The following STAG2 variants were observed in gnomAD, a reference collection of about 807,000 sequenced individuals.
The protein encoded by STAG2 is cohesin subunit SA-2.
Under a neutral mutation model 108.1 loss-of-function variants are expected in STAG2, and 14 were observed. The ratio of observed to expected loss-of-function variants is 0.13; its 90% CI spans 0.09 to 0.20. The LOEUF is 0.20. Ranked by LOEUF, STAG2 falls within the 10% of genes least tolerant of loss-of-function variation. STAG2 has a pLI of 1.00. For missense variants in STAG2, 440 were observed against 940.9 expected (o/e 0.47, Z 6.96); for synonymous variants, 307 against 302.7 (o/e 1.01, Z -0.15).
intron 6 of STAG2, among the ~76,000 whole-genome samples, 177 bp downstream of exon 6, chrX:124,037,800 T>C (rs1330470048): frequency 8.9e-6 from 1 of 112,714 alleles, no homozygotes; most frequent in Non-Finnish European, 1.9e-5. Context: ...GAAAGTCTAT[T>C]GACAAAGTTT....
intron 1 of STAG2, among the ~76,000 whole-genome samples, chrX:123,976,228 C>T (rs936744236): frequency 9.9e-5 from 11 of 111,484 alleles, no homozygotes; most frequent in African/African-American, 3.6e-4. Flanking sequence ...GAGCCAAGGT[C>T]GTGCCACTGC....
chrX:123,998,091 T>C (rs756091950), intron 1 of STAG2, among the ~76,000 whole-genome samples: 3 of 111,321 alleles, frequency 2.7e-5, no homozygotes, highest in Non-Finnish European at 3.8e-5. Flanking sequence ...AAATGTCTTT[T>C]TGAGTGCTTG....
chrX:123,973,640 T>C (rs745798462), intron 1 of STAG2, among the ~76,000 whole-genome samples: 1 of 108,375 alleles, frequency 9.2e-6, no homozygotes, highest in Admixed American at 9.9e-5. Context: ...AGGTCAGGAA[T>C]TCAAGACTAG....
intron 1 of STAG2, among the ~76,000 whole-genome samples, chrX:123,965,868 G>A (rs745357546): frequency 9.1e-6 from 1 of 109,507 alleles, no homozygotes; most frequent in South Asian, 4.0e-4. Flanking sequence ...GTGTGGTGGT[G>A]CACACCTGTG....
At chrX:124,096,701 A>G (rs907027731) in intron 34 of STAG2, among the ~76,000 whole-genome samples, 9 of 111,412 alleles carry the variant, frequency 8.1e-5, no homozygotes, top group African/African-American at 2.6e-4. Flanking sequence ...TTTAGAATCT[A>G]CCCATTTTAT....
At chrX:124,074,672 A>G (rs887221096) in intron 25 of STAG2, among the ~76,000 whole-genome samples, 2 of 111,831 alleles carry the variant, frequency 1.8e-5, no homozygotes, top group African/African-American at 6.5e-5. Context: ...TCCTAGAGGC[A>G]TTTCATTGAC....
In STAG2 at chrX:124,045,256, A is replaced by G. The variant is rs1345943549; in HGVS notation, c.555A>G (p.Gln185=). 4 of 1,208,041 alleles carry G rather than the reference A, an allele frequency of 3.3e-6. No homozygotes were observed. Among genetic ancestry groups the G allele is most frequent in the Non-Finnish European group, 3.4e-6 (3 of 893,979 alleles). Residue 185 remains glutamine, a synonymous_variant, in exon 8 of 35, where the codon CAA becomes CAG. Coordinates refer to ENST00000371145, the MANE Select transcript of STAG2 (RefSeq NM_001042750.2). ...FCEFIGVLVR[Q]CQYSIIYDEY... Reference sequence around the variant, plus strand: ...AATTCATTGGCGTGTTAGTACGGCAATGTCAATATAGTATCATATATGATG... The same window carrying G: ...AATTCATTGGCGTGTTAGTACGGCAGTGTCAATATAGTATCATATATGATG...
intron 1 of STAG2, among the ~76,000 whole-genome samples, chrX:124,006,748 T>C (rs1165348789): frequency 9.0e-6 from 1 of 111,384 alleles, no homozygotes; most frequent in Non-Finnish European, 1.9e-5. Context: ...CTGTCACTAT[T>C]TTTTTATTTT....
At chrX:124,072,060 C>G (rs912310706) in intron 25 of STAG2, among the ~76,000 whole-genome samples, 1 of 111,207 alleles carries the variant, frequency 9.0e-6, no homozygotes, top group African/African-American at 3.3e-5. Flanking sequence ...GTTGCCCAGC[C>G]TGGAGTACAG....
At chrX:124,061,743 C>CTTTTTG in intron 16 of STAG2, 28 bp from the exon 17 acceptor site, 1 of 478,286 alleles carries the variant, frequency 2.1e-6, no homozygotes, top group Admixed American at 5.2e-5. Flanking sequence ...CTCTTTCTGA[C>CTTTTTG]TTTTTTTTTT....
intron 1 of STAG2, among the ~76,000 whole-genome samples, chrX:123,971,744 C>T (rs1461531772): frequency 1.8e-5 from 2 of 111,692 alleles, no homozygotes; most frequent in East Asian, 5.6e-4. Context: ...ATGTATTATT[C>T]AGGTTCCCTT....
At chrX:124,077,817 A>G (rs1458065978) in intron 26 of STAG2, 140 bp from the exon 27 acceptor site, 1 of 380,785 alleles carries the variant, frequency 2.6e-6, no homozygotes, top group Non-Finnish European at 4.6e-6. Flanking sequence ...AGGTTTCAGT[A>G]ACATTCTTTC....
intron 25 of STAG2, among the ~76,000 whole-genome samples, chrX:124,074,224 T>G (rs767238910): frequency 1.8e-5 from 2 of 112,767 alleles, no homozygotes; most frequent in African/African-American, 6.4e-5. Flanking sequence ...CAGTTTTCCT[T>G]TTTGAATTTA....
intron 1 of STAG2, among the ~76,000 whole-genome samples, chrX:124,012,788 T>G (rs1292953008): frequency 8.9e-6 from 1 of 112,292 alleles, no homozygotes; most frequent in Non-Finnish European, 1.9e-5. Flanking sequence ...CACATTGGTT[T>G]TATTGTTTTT....
intron 30 of STAG2, among the ~76,000 whole-genome samples, chrX:124,088,374 A>G (rs2059158768): frequency 1.8e-5 from 2 of 111,202 alleles, no homozygotes; most frequent in African/African-American, 6.5e-5. Context: ...GGGGAGAATC[A>G]TAGAAATTGG....
At chrX:124,006,364 A>G (rs1035075533) in intron 1 of STAG2, among the ~76,000 whole-genome samples, 9 of 110,340 alleles carry the variant, frequency 8.2e-5, no homozygotes, top group Non-Finnish European at 1.7e-4. Flanking sequence ...GAGTGGCTGT[A>G]GTTTACATTT....
chrX:123,995,695 G>GA (rs202178109), intron 1 of STAG2, among the ~76,000 whole-genome samples: 22 of 102,553 alleles, frequency 2.1e-4, no homozygotes, highest in Admixed American at 3.1e-4. Context: ...CTCTGTTTCA[G>GA]AAAAAAAAAA....
At chrX:124,010,323 TTC>T (rs1406643037) in intron 1 of STAG2, among the ~76,000 whole-genome samples, 1 of 111,457 alleles carries the variant, frequency 9.0e-6, no homozygotes, top group African/African-American at 3.3e-5. Flanking sequence ...CCATTCTACT[TTC>T]TGTTTCTATG....
At chrX:124,006,510 C>T (rs1484954061) in intron 1 of STAG2, among the ~76,000 whole-genome samples, 3 of 103,625 alleles carry the variant, frequency 2.9e-5, no homozygotes, top group Admixed American at 1.1e-4. Flanking sequence ...ACAATTTGAG[C>T]TCACTGCAAG....
Sources: gnomAD v4.1 joint callset for allele counts (sites outside exome capture counted in the v4.1 genomes callset) on GRCh38, gnomAD v4.1.1 for gene constraint, MANE v1.5 for transcripts, NCBI Gene and HGNC (gene_info 2026-07-23, HGNC 2026-07-21) for gene names.